The following CRYBG1 variants were observed in gnomAD, a reference collection of about 807,000 sequenced individuals.
The protein encoded by CRYBG1 is beta/gamma crystallin domain-containing protein 1.
Under a neutral mutation model 189.2 loss-of-function variants are expected in CRYBG1, and 139 were observed. The observed-to-expected ratio is 0.73, with a 90% CI of 0.64 to 0.85. The LOEUF (loss-of-function observed/expected upper bound fraction) is 0.85, where lower values mean the gene tolerates loss of function less well. Ranked by LOEUF, CRYBG1 falls within the 40% of genes least tolerant of loss-of-function variation. The pLI, the probability that CRYBG1 is intolerant of heterozygous loss-of-function variation, is 0.00. For synonymous variants in CRYBG1, 1,023 were observed against 1,017.1 expected (o/e 1.01, Z -0.11); for missense variants, 2,611 against 2,675.8 (o/e 0.98, Z 0.53).
At chr6:106,441,716 T>TGATTCAG (rs1311866602) in intron 1 of CRYBG1, among the ~76,000 whole-genome samples, 23 of 152,232 alleles carry the variant, frequency 1.5e-4, no homozygotes, top group Non-Finnish European at 2.2e-4. Flanking sequence ...GCCAAAGATA[T>TGATTCAG]GATTCAGACA....
chr6:106,379,522 A>G (rs1346347829), intron 1 of CRYBG1, among the ~76,000 whole-genome samples: 1 of 151,920 alleles, frequency 6.6e-6, no homozygotes, highest in Non-Finnish European at 1.5e-5. Context: ...CGGCCTCCCA[A>G]AGTGCTGGGA....
intron 2 of CRYBG1, among the ~76,000 whole-genome samples, chr6:106,452,244 T>TAAAAAAAAAAAA (rs368102917): frequency 9.2e-6 from 1 of 108,836 alleles, no homozygotes; most frequent in Non-Finnish European, 1.9e-5. Flanking sequence ...CAGACTCTAC[T>TAAAAAAAAAAAA]AAAAAAAAAA....
intron 2 of CRYBG1, among the ~76,000 whole-genome samples, chr6:106,478,168 C>T (rs1346551941): frequency 2.0e-5 from 3 of 152,208 alleles, no homozygotes; most frequent in Non-Finnish European, 4.4e-5. Flanking sequence ...TCCTTCAACC[C>T]TGTTGGGTTA....
chr6:106,400,064 A>G (rs1770692403), intron 1 of CRYBG1, among the ~76,000 whole-genome samples: 2 of 146,858 alleles, frequency 1.4e-5, no homozygotes. Context: ...TGAACCCAAG[A>G]GGCAGAGTTT....
chr6:106,405,453 G>A (rs1030505063), intron 1 of CRYBG1, among the ~76,000 whole-genome samples: 8 of 152,180 alleles, frequency 5.3e-5, no homozygotes, highest in South Asian at 2.1e-4. Flanking sequence ...GGCTGTGGGC[G>A]CAGCTTCAGC....
At chr6:106,457,828 A>G (rs1239553793) in intron 2 of CRYBG1, among the ~76,000 whole-genome samples, 1 of 152,226 alleles carries the variant, frequency 6.6e-6, no homozygotes, top group Non-Finnish European at 1.5e-5. Context: ...GTGCTCTATC[A>G]GTGCTGATCC....
chr6:106,383,781 C>A (rs1326404973), intron 1 of CRYBG1, among the ~76,000 whole-genome samples: 1 of 152,152 alleles, frequency 6.6e-6, no homozygotes, highest in South Asian at 2.1e-4. Context: ...ATAACTTCCT[C>A]CTGCAGTTTT....
chr6:106,495,247 G>A (rs989126694), intron 2 of CRYBG1, among the ~76,000 whole-genome samples: 3 of 152,180 alleles, frequency 2.0e-5, no homozygotes, highest in African/African-American at 4.8e-5. Flanking sequence ...CAGCACTGCC[G>A]AAGGTGAGCT....
At chr6:106,504,761 T>C (rs1406608830) in intron 2 of CRYBG1, among the ~76,000 whole-genome samples, 1 of 152,126 alleles carries the variant, frequency 6.6e-6, no homozygotes, top group Non-Finnish European at 1.5e-5. Flanking sequence ...GTTAATTTAT[T>C]TTTAATGCCT....
At chr6:106,472,562 T>G (rs1772253640) in intron 2 of CRYBG1, among the ~76,000 whole-genome samples, 1 of 152,104 alleles carries the variant, frequency 6.6e-6, no homozygotes, top group South Asian at 2.1e-4. Context: ...GAAAAAGCTT[T>G]TTATGGAATT....
In CRYBG1 at chr6:106,521,398, C is replaced by T; in HGVS notation, c.4190C>T (p.Ser1397Leu). Residue 1397 changes from serine (S) to leucine (L), a missense_variant, in exon 4 of 22, where the codon TCA (serine) becomes TTA (leucine). Around this residue, in one of 3 missense-constraint regions of CRYBG1, gnomAD observed 1,622 missense variants for 1,735.0 expected, o/e 0.93. Coordinates refer to ENST00000633556, the MANE Select transcript of CRYBG1 (RefSeq NM_001371242.2). ...SDTDFMGLFK[S>L]SRYDPSISFS... ...ACCGACTTCATGGGTCTTTTCAAAT[C>T]AAGCCGGTATGACCCAAGCATTTCT... is the stretch of plus-strand genomic sequence containing the variant. The T allele has an allele frequency of 1.2e-6, 2 of 1,611,274 alleles. No individual in the cohort carries two copies. Among genetic ancestry groups the T allele is most frequent in the Non-Finnish European group, 1.7e-6 (2 of 1,179,160 alleles).
At chr6:106,535,067 T>A (rs2114561630) in intron 8 of CRYBG1, among the ~76,000 whole-genome samples, 1 of 152,324 alleles carries the variant, frequency 6.6e-6, no homozygotes, top group African/African-American at 2.4e-5. Context: ...TACTGTGTAA[T>A]ATTTGACATA....
At chr6:106,498,840 C>T (rs1031044743) in intron 2 of CRYBG1, among the ~76,000 whole-genome samples, 2 of 151,898 alleles carry the variant, frequency 1.3e-5, no homozygotes, top group African/African-American at 4.8e-5. Context: ...TGCCACTGCA[C>T]TCCAGCCTGG....
At chr6:106,510,869 G>A (rs783423) in intron 2 of CRYBG1, among the ~76,000 whole-genome samples, 19,575 of 152,262 alleles carry the variant, frequency 0.13, 1,760 homozygotes, top group African/African-American at 0.26. Flanking sequence ...CTTCCTCCGA[G>A]CTTGCTTAAG....
intron 2 of CRYBG1, among the ~76,000 whole-genome samples, chr6:106,497,524 G>A (rs2114503461): frequency 6.6e-6 from 1 of 152,292 alleles, no homozygotes; most frequent in African/African-American, 2.4e-5. Flanking sequence ...GTGTCTGAGG[G>A]GACCTGCCTT....
rs1554185563 is a variant in CRYBG1, at chr6:106,483,378, G to GTA, written c.313-28041_313-28040dup. On this transcript the variant is annotated intron_variant, in intron 2 of 21. Transcript: ENST00000633556. ...CCATTGTGTGTGTGTGTGTGTGTGT[G>GTA]TATATATATATAGATATATATATAA... 1.6e-4 allele frequency among the ~76,000 whole-genome samples: 18 copies of GTA among 113,796 alleles called. 1 individual carries two copies. Among genetic ancestry groups the GTA allele is most frequent in the South Asian group, 9.1e-4 (3 of 3,310 alleles). The allele number at this position is 113,796 out of a possible 152,430, so 74.7% of individuals were successfully genotyped here.
intron 2 of CRYBG1, among the ~76,000 whole-genome samples, chr6:106,504,048 A>AC (rs56299906): frequency 4.0e-5 from 3 of 75,180 alleles, no homozygotes; most frequent in African/African-American, 1.1e-4. Context: ...AAAAAAAAAA[A>AC]CCACAACCAT....
intron 1 of CRYBG1, among the ~76,000 whole-genome samples, chr6:106,366,847 A>T (rs1397473948): frequency 3.9e-5 from 6 of 152,226 alleles, no homozygotes; most frequent in Non-Finnish European, 8.8e-5. Flanking sequence ...TTGTCTTTAT[A>T]GTAATGGTAG....
rs529639804 is a variant in CRYBG1, at chr6:106,511,564, C to G, written c.447C>G (p.Leu149=). Residue 149 remains leucine, a synonymous_variant, in exon 3 of 22, where the codon CTC becomes CTG. Transcript: ENST00000633556. ...ESPTRSNAKP[L]SPKDVVASPK... ...CCACCAGATCAAATGCCAAACCACT[C>G]TCTCCCAAAGATGTGGTAGCCTCTC... The G allele has an allele frequency of 6.5e-7, 1 of 1,535,848 alleles. No individual in the cohort carries two copies. Among genetic ancestry groups the G allele is most frequent in the African/African-American group, 1.4e-5 (1 of 73,170 alleles).
Sources: allele counts gnomAD v4.1 joint callset (sites outside exome capture counted in the v4.1 genomes callset), GRCh38; gene constraint gnomAD v4.1.1; regional missense constraint gnomAD v4.1.1; transcripts MANE v1.5; gene names NCBI Gene and HGNC (gene_info 2026-07-23, HGNC 2026-07-21).